Variants in CPED1 observed in about 807,000 individuals in gnomAD.
The protein encoded by CPED1 is cadherin like and PC-esterase domain containing 1.
A neutral mutation model predicts 128.2 loss-of-function variants in CPED1; 114 were observed. The ratio of observed to expected loss-of-function variants is 0.89; its 90% CI spans 0.76 to 1.04. The LOEUF is 1.04. CPED1 is among the 50% of genes least tolerant of loss of function. The pLI is 0.00. For synonymous variants in CPED1, 462 were observed against 426.7 expected (o/e 1.08, Z -1.02); for missense variants, 1,211 against 1,207.1 (o/e 1.00, Z -0.05).
chr7:121,007,347 A>G (rs1184684543), intron 2 of CPED1, among the ~76,000 whole-genome samples: 1 of 148,362 alleles, frequency 6.7e-6, no homozygotes, highest in African/African-American at 2.5e-5. Flanking sequence ...AAGGCACCGT[A>G]TGGTCCCAAA....
chr7:121,175,819 A>C (rs1796762390), intron 16 of CPED1, among the ~76,000 whole-genome samples: 2 of 152,104 alleles, frequency 1.3e-5, no homozygotes, highest in African/African-American at 4.8e-5. Flanking sequence ...AAAGAGCGAT[A>C]GAGGAAGACT....
At chr7:121,013,720 A>AACT (rs1792220675) in intron 2 of CPED1, among the ~76,000 whole-genome samples, 1 of 152,178 alleles carries the variant, frequency 6.6e-6, no homozygotes, top group Admixed American at 6.5e-5. Context: ...TGTCCTCCTG[A>AACT]ACTACTCTAT....
intron 3 of CPED1, among the ~76,000 whole-genome samples, chr7:121,026,374 C>A (rs761059287): frequency 1.3e-5 from 2 of 152,114 alleles, no homozygotes; most frequent in Non-Finnish European, 2.9e-5. Flanking sequence ...GCCATGGCTC[C>A]CCTTTCCCTA....
At chr7:121,247,462 A>ACATTTGGAC (rs1798564006) in intron 18 of CPED1, among the ~76,000 whole-genome samples, 1 of 152,224 alleles carries the variant, frequency 6.6e-6, no homozygotes, top group Non-Finnish European at 1.5e-5. Context: ...AAGTAAACCA[A>ACATTTGGAC]CATTTGGACA....
At chr7:121,203,509 C>A (rs1797448689) in intron 16 of CPED1, among the ~76,000 whole-genome samples, 1 of 152,108 alleles carries the variant, frequency 6.6e-6, no homozygotes, top group South Asian at 2.1e-4. Flanking sequence ...TGACAACAGA[C>A]CACTCTATAC....
intron 16 of CPED1, among the ~76,000 whole-genome samples, chr7:121,221,632 CCTGA>C (rs1265793512): frequency 3.3e-5 from 5 of 152,150 alleles, no homozygotes; most frequent in Admixed American, 1.3e-4. Flanking sequence ...TCTGTTGTTT[CCTGA>C]CTTTTTAATG....
chr7:121,118,980 T>C (rs959406569), intron 7 of CPED1, among the ~76,000 whole-genome samples: 1 of 152,152 alleles, frequency 6.6e-6, no homozygotes, highest in Non-Finnish European at 1.5e-5. Context: ...CAATTCAACA[T>C]GATATTTGGT....
At chr7:121,091,993 A>C (rs1230746880) in intron 5 of CPED1, among the ~76,000 whole-genome samples, 1 of 152,110 alleles carries the variant, frequency 6.6e-6, no homozygotes, top group African/African-American at 2.4e-5. Flanking sequence ...TAGGCCTCTA[A>C]ATCCTTAACT....
chr7:121,114,304 A>G (rs1468939713), intron 7 of CPED1, among the ~76,000 whole-genome samples: 1 of 152,184 alleles, frequency 6.6e-6, no homozygotes. Flanking sequence ...GACAGCTTAT[A>G]GTACTGCTCT....
intron 7 of CPED1, among the ~76,000 whole-genome samples, chr7:121,105,672 T>C (rs1036299693): frequency 6.6e-6 from 1 of 152,144 alleles, no homozygotes; most frequent in Non-Finnish European, 1.5e-5. Context: ...CAGCATGTAA[T>C]TGAATAAACT....
rs577695970 is a variant in CPED1, at chr7:121,142,304, C to T, written c.2055+163C>T. Among the ~76,000 whole-genome samples, 5 of 152,080 alleles carry T rather than the reference C, an allele frequency of 3.3e-5. No homozygotes were observed. The South Asian group carries it at 1.0e-3, about 32-fold the overall frequency. ...AATCCCAGCCAGGTATCTAAGTCAC[C>T]TCGTTGTGAGTGATTTTCTTTTTAG... On this transcript the variant is annotated intron_variant, in intron 16 of 22. Transcript: ENST00000310396.
At chr7:121,100,237 T>G in intron 7 of CPED1, 143 bp downstream of exon 7, 1 of 728,286 alleles carries the variant, frequency 1.4e-6, no homozygotes, top group Non-Finnish European at 2.2e-6. Flanking sequence ...AAGAAAAGAT[T>G]TTCACTTAAT....
chr7:121,284,149 C>T (rs550637044), intron 22 of CPED1, among the ~76,000 whole-genome samples: 13 of 152,136 alleles, frequency 8.5e-5, no homozygotes, highest in East Asian at 1.9e-4. Flanking sequence ...CTTTACATGG[C>T]GGCTGCAAAG....
At chr7:121,194,258 C>T (rs1462100420) in intron 16 of CPED1, among the ~76,000 whole-genome samples, 3 of 151,596 alleles carry the variant, frequency 2.0e-5, no homozygotes, top group Non-Finnish European at 2.9e-5. Flanking sequence ...ACCCTGTTGG[C>T]CAGGCTGGTC....
chr7:121,172,188 G>A (rs1397439501), intron 16 of CPED1, among the ~76,000 whole-genome samples: 1 of 152,164 alleles, frequency 6.6e-6, no homozygotes, highest in East Asian at 1.9e-4. Context: ...CCCCGGGAAA[G>A]GTTGTGCTGG....
At chr7:121,249,308 T>C (rs1798613411) in intron 18 of CPED1, among the ~76,000 whole-genome samples, 1 of 152,066 alleles carries the variant, frequency 6.6e-6, no homozygotes, top group African/African-American at 2.4e-5. Flanking sequence ...AACATGCACA[T>C]TCAAAAAACA....
At chr7:121,055,894 A>C (rs1197533186) in intron 4 of CPED1, among the ~76,000 whole-genome samples, 1 of 152,010 alleles carries the variant, frequency 6.6e-6, no homozygotes, top group Non-Finnish European at 1.5e-5. Context: ...GAAACAAAAA[A>C]ATCAAAATTT....
chr7:121,155,514 G>A (rs555453473), intron 16 of CPED1, among the ~76,000 whole-genome samples: 141 of 152,180 alleles, frequency 9.3e-4, no homozygotes, highest in Admixed American at 2.4e-3. Flanking sequence ...AAACATATGT[G>A]TAGACCAATG....
rs967446801 is a variant in CPED1 at position 121,186,343 on chromosome 7, TA to T, written c.2055+44205del. 3.3e-5 allele frequency among the ~76,000 whole-genome samples: 5 copies of T among 152,320 alleles called. No individual in the cohort carries two copies. In the East Asian group the frequency reaches 5.8e-4, roughly 18 times the overall value. ...TTTCTCCATAACTTTAAAATTTTAT[TA>T]AATAATATTTGAATGTTGTGTGTGG... is the stretch of plus-strand genomic sequence containing the variant. On this transcript the variant is annotated intron_variant, in intron 16 of 22. Transcript: ENST00000310396.
Sources: gnomAD v4.1 joint callset for allele counts (sites outside exome capture counted in the v4.1 genomes callset) on GRCh38, gnomAD v4.1.1 for gene constraint, MANE v1.5 for transcripts, NCBI Gene and HGNC (gene_info 2026-07-23, HGNC 2026-07-21) for gene names.